Variants in ADAMTSL1 observed in about 807,000 individuals in gnomAD.
ADAMTSL1 encodes the protein ADAMTS-like protein 1.
ADAMTSL1 carries 126 observed loss-of-function variants against 201.8 expected under a neutral mutation model. That is an observed-to-expected ratio of 0.62 (90% CI 0.54 to 0.72). The LOEUF is 0.72. ADAMTSL1 is among the 30% of genes least tolerant of loss of function. The pLI is 0.00. For synonymous variants in ADAMTSL1, 1,121 were observed against 903.4 expected (o/e 1.24, Z -4.32); for missense variants, 2,679 against 2,277.8 (o/e 1.18, Z -3.59).
intron 2 of ADAMTSL1, among the ~76,000 whole-genome samples, chr9:18,322,678 G>C (rs1834673626): frequency 6.6e-6 from 1 of 151,866 alleles, no homozygotes; most frequent in Non-Finnish European, 1.5e-5. Context: ...AAAACCGTTA[G>C]CAATACCAAT....
At chr9:17,923,463 A>T (rs565983984) in intron 1 of ADAMTSL1, among the ~76,000 whole-genome samples, 3 of 151,296 alleles carry the variant, frequency 2.0e-5, no homozygotes, top group Admixed American at 1.3e-4. Flanking sequence ...GGTGTATAAG[A>T]ATGCTTGTGA....
intron 1 of ADAMTSL1, among the ~76,000 whole-genome samples, chr9:17,936,315 A>ATGACTCTTT (rs1827007357): frequency 6.6e-6 from 1 of 152,130 alleles, no homozygotes; most frequent in Non-Finnish European, 1.5e-5. Context: ...TTTTTAAATT[A>ATGACTCTTT]TGACTCTTTT....
intron 20 of ADAMTSL1, among the ~76,000 whole-genome samples, chr9:18,808,702 T>C (rs558549936): frequency 2.0e-5 from 3 of 152,364 alleles, no homozygotes; most frequent in South Asian, 4.1e-4. Context: ...GCAACTCTTG[T>C]ATTATAGCAG....
At chr9:18,848,828 G>T (rs941634418) in intron 23 of ADAMTSL1, among the ~76,000 whole-genome samples, 9 of 152,226 alleles carry the variant, frequency 5.9e-5, no homozygotes, top group Non-Finnish European at 1.0e-4. Context: ...AAATGAATGG[G>T]TATGTCTGTG....
At chr9:18,043,990 C>A (rs1482807200) in intron 1 of ADAMTSL1, among the ~76,000 whole-genome samples, 11 of 146,734 alleles carry the variant, frequency 7.5e-5, no homozygotes, top group Admixed American at 4.2e-4. Context: ...GCGTGCCTTC[C>A]CATCTAGTAT....
At chr9:18,280,573 TTTAA>T (rs1468105849) in intron 2 of ADAMTSL1, among the ~76,000 whole-genome samples, 1 of 152,232 alleles carries the variant, frequency 6.6e-6, no homozygotes, top group East Asian at 1.9e-4. Flanking sequence ...TTAAGCCTTC[TTTAA>T]TTTATCTGAG....
intron 2 of ADAMTSL1, among the ~76,000 whole-genome samples, chr9:18,349,533 T>C (rs1835868864): frequency 6.6e-6 from 1 of 152,178 alleles, no homozygotes; most frequent in Admixed American, 6.5e-5. Context: ...CTCAAGATAT[T>C]ATTGGGAGGA....
At chr9:18,884,827 A>G (rs1412522798) in intron 23 of ADAMTSL1, among the ~76,000 whole-genome samples, 3 of 152,190 alleles carry the variant, frequency 2.0e-5, no homozygotes, top group East Asian at 1.9e-4. Context: ...ATCAGGAACT[A>G]TGAATCCTCT....
At chr9:18,335,853 G>T (rs1274648560) in intron 2 of ADAMTSL1, among the ~76,000 whole-genome samples, 2 of 152,092 alleles carry the variant, frequency 1.3e-5, no homozygotes, top group Non-Finnish European at 2.9e-5. Flanking sequence ...TTGAATGTTT[G>T]CCTAATTGAA....
intron 1 of ADAMTSL1, among the ~76,000 whole-genome samples, chr9:18,109,725 G>C (rs958804007): frequency 6.6e-6 from 1 of 152,116 alleles, no homozygotes; most frequent in African/African-American, 2.4e-5. Context: ...TAATTCTTCG[G>C]AACTTGAACC....
intron 1 of ADAMTSL1, among the ~76,000 whole-genome samples, chr9:17,988,531 A>G (rs763773470): frequency 4.0e-5 from 6 of 151,670 alleles, no homozygotes; most frequent in Non-Finnish European, 5.9e-5. Context: ...ATTATTTTAT[A>G]TAAAATCCCC....
chr9:18,006,471 T>G (rs1035267744), intron 1 of ADAMTSL1, among the ~76,000 whole-genome samples: 2 of 152,036 alleles, frequency 1.3e-5, no homozygotes, highest in African/African-American at 2.4e-5. Context: ...AAGATTCTTG[T>G]GTTCAACTTT....
chr9:18,669,860 G>A (rs917390896), intron 9 of ADAMTSL1, among the ~76,000 whole-genome samples: 1 of 152,104 alleles, frequency 6.6e-6, no homozygotes, highest in African/African-American at 2.4e-5. Context: ...GCCAAACCTT[G>A]ATGTAAGGTA....
At chr9:18,067,280 G>T (rs897380915) in intron 1 of ADAMTSL1, among the ~76,000 whole-genome samples, 1 of 152,110 alleles carries the variant, frequency 6.6e-6, no homozygotes, top group Non-Finnish European at 1.5e-5. Flanking sequence ...CAATAGAAAT[G>T]ATGATGCCTA....
At chr9:18,148,712 A>G (rs1826770243) in intron 1 of ADAMTSL1, among the ~76,000 whole-genome samples, 1 of 152,104 alleles carries the variant, frequency 6.6e-6, no homozygotes. Flanking sequence ...CTAATCCTTC[A>G]TTATCCATTT....
chr9:18,283,658 A>C (rs2132640932), intron 2 of ADAMTSL1, among the ~76,000 whole-genome samples: 1 of 149,470 alleles, frequency 6.7e-6, no homozygotes, highest in South Asian at 2.1e-4. Flanking sequence ...CAAGCCTGTA[A>C]TCCTAGCACT....
chr9:18,384,740 A>C (rs1049845533), intron 2 of ADAMTSL1, among the ~76,000 whole-genome samples: 3 of 152,170 alleles, frequency 2.0e-5, no homozygotes, highest in African/African-American at 7.2e-5. Flanking sequence ...CCTTTCCTTG[A>C]CATTCCTCCT....
intron 2 of ADAMTSL1, among the ~76,000 whole-genome samples, chr9:18,278,204 G>T (rs1832659360): frequency 6.6e-6 from 1 of 152,002 alleles, no homozygotes; most frequent in South Asian, 2.1e-4. Context: ...TACCATTATG[G>T]TATTAAAGTA....
At chr9:17,985,128 A>T (rs1818870636) in intron 1 of ADAMTSL1, among the ~76,000 whole-genome samples, 1 of 152,144 alleles carries the variant, frequency 6.6e-6, no homozygotes, top group South Asian at 2.1e-4. Context: ...ATTGAGGCAC[A>T]GTTTAAGTTT....
Sources: allele counts gnomAD v4.1 joint callset (sites outside exome capture counted in the v4.1 genomes callset), GRCh38; gene constraint gnomAD v4.1.1; transcripts MANE v1.5; gene names NCBI Gene and HGNC (gene_info 2026-07-23, HGNC 2026-07-21).